DLG2: variants seen among roughly 807,000 people sequenced by gnomAD.
DLG2 encodes discs large MAGUK scaffold protein 2, also known as disks large homolog 2.
Under a neutral mutation model 132.5 loss-of-function variants are expected in DLG2, and 45 were observed. That is an observed-to-expected ratio of 0.34 (90% CI 0.27 to 0.44). The LOEUF (loss-of-function observed/expected upper bound fraction) is 0.44. Among genes scored for constraint, DLG2 ranks in the 20% least tolerant of loss-of-function variants. The pLI, the probability that DLG2 is intolerant of heterozygous loss-of-function variation, is 1.00. For synonymous variants in DLG2, 424 were observed against 419.6 expected (o/e 1.01, Z -0.13); for missense variants, 1,045 against 1,196.9 (o/e 0.87, Z 1.87).
intron 7 of DLG2, among the ~76,000 whole-genome samples, chr11:84,488,255 A>G (rs2099155855): frequency 6.6e-6 from 1 of 152,150 alleles, no homozygotes; most frequent in South Asian, 2.1e-4. Context: ...ATAGACGTGG[A>G]AAGACAATAG....
intron 18 of DLG2, among the ~76,000 whole-genome samples, chr11:83,677,034 T>A (rs1337672279): frequency 6.6e-6 from 1 of 152,094 alleles, no homozygotes; most frequent in East Asian, 1.9e-4. Context: ...TATTTTGCAT[T>A]TTTTTTGATA....
intron 15 of DLG2, among the ~76,000 whole-genome samples, chr11:83,886,424 A>G (rs2067916976): frequency 6.6e-6 from 1 of 152,242 alleles, no homozygotes; most frequent in Non-Finnish European, 1.5e-5. Flanking sequence ...TGCACCCAAT[A>G]CATGAGCACC....
rs1241549963 is a variant in DLG2 at position 85,315,540 on chromosome 11, G to T, written c.41-30175C>A. On this transcript the variant is annotated intron_variant, in intron 3 of 27. Coordinates refer to ENST00000376104, the MANE Select transcript of DLG2 (RefSeq NM_001142699.3). ...TACAACATGCTACTATGTATTTCTG[G>T]ATTGCTGTGCATGCATCACACTGAT... is the stretch of plus-strand genomic sequence containing the variant. 2.0e-5 allele frequency among the ~76,000 whole-genome samples: 3 copies of T among 151,882 alleles called. No homozygotes were observed. The East Asian group carries it at 5.8e-4, about 29-fold the overall frequency.
intron 6 of DLG2, among the ~76,000 whole-genome samples, chr11:84,679,425 G>C (rs1192992785): frequency 6.6e-6 from 1 of 151,844 alleles, no homozygotes; most frequent in African/African-American, 2.4e-5. Context: ...AAGTTTTTTA[G>C]GGTTCAAAAT....
chr11:83,479,156 G>GGGTATCTCATTACAATT lies in DLG2; in HGVS notation c.2293+4956_2293+4972dup, dbSNP rs564611416. Reference sequence around the variant, plus strand: ...ATCAATCTAACGTTTGATTGACCAAGGGTATCTCATTACAATTTTCTTCAT... The same window carrying GGGTATCTCATTACAATT: ...ATCAATCTAACGTTTGATTGACCAAGGGTATCTCATTACAATTGGTATCTCATTACAATTTTCTTCAT... On this transcript the variant is annotated intron_variant, in intron 22 of 27. Coordinates refer to ENST00000376104, the MANE Select transcript of DLG2 (RefSeq NM_001142699.3). Among the ~76,000 whole-genome samples the GGGTATCTCATTACAATT allele has an allele frequency of 4.6e-3, 707 of 152,060 alleles. 3 individuals are homozygous for GGGTATCTCATTACAATT. Among genetic ancestry groups the GGGTATCTCATTACAATT allele is most frequent in the Non-Finnish European group, 8.3e-3 (563 of 67,940 alleles).
chr11:83,533,230 T>G (rs948226077), intron 20 of DLG2, among the ~76,000 whole-genome samples: 1 of 152,160 alleles, frequency 6.6e-6, no homozygotes, highest in Non-Finnish European at 1.5e-5. Context: ...AGCTTCACTT[T>G]TTAACCAAAC....
intron 19 of DLG2, among the ~76,000 whole-genome samples, chr11:83,576,241 A>C (rs2096871906): frequency 6.6e-6 from 1 of 152,208 alleles, no homozygotes; most frequent in African/African-American, 2.4e-5. Flanking sequence ...GTGAAAAAAT[A>C]ATTCTAAAGA....
In DLG2 at chr11:85,379,071, A is replaced by C. The variant is rs559700236; in HGVS notation, c.41-93706T>G. On this transcript the variant is annotated intron_variant, in intron 3 of 27. Transcript: ENST00000376104. ...TCAATATTTGTGAGCAAATCATTGA[A>C]ATATTTCAAGTCACCAGTCATGCTT... 7.9e-5 allele frequency among the ~76,000 whole-genome samples: 12 copies of C among 152,324 alleles called. No individual in the cohort carries two copies. The East Asian group carries it at 2.1e-3, about 27-fold the overall frequency.
rs111336372 is a variant in DLG2, at chr11:85,547,055, G to A, written c.40+51602C>T. Among the ~76,000 whole-genome samples, 406 of 152,188 alleles carry A rather than the reference G, an allele frequency of 2.7e-3. 3 individuals are homozygous for A. The highest frequency in any genetic ancestry group is 9.3e-3 in the African/African-American group (385 of 41,540). On this transcript the variant is annotated intron_variant, in intron 3 of 27. Transcript: ENST00000376104. Reference sequence around the variant, plus strand: ...ATTTAATCCCTCCATTATGATGCCAGCTGGTTATTTTGCCCATTAGCTGTT... The same window carrying A: ...ATTTAATCCCTCCATTATGATGCCAACTGGTTATTTTGCCCATTAGCTGTT...
At chr11:85,004,676 C>T (rs538865416) in intron 6 of DLG2, among the ~76,000 whole-genome samples, 2 of 152,190 alleles carry the variant, frequency 1.3e-5, no homozygotes, top group South Asian at 2.1e-4. Context: ...TGCCTGTTCA[C>T]TCTGATAATA....
intron 11 of DLG2, among the ~76,000 whole-genome samples, chr11:84,041,761 T>A (rs1356134155): frequency 6.6e-6 from 1 of 151,946 alleles, no homozygotes; most frequent in Non-Finnish European, 1.5e-5. Flanking sequence ...TATGTTGATA[T>A]GGTTTGGCTA....
chr11:84,279,095 A>C (rs1247876256), intron 7 of DLG2, among the ~76,000 whole-genome samples: 1 of 152,230 alleles, frequency 6.6e-6, no homozygotes, highest in African/African-American at 2.4e-5. Context: ...TCCAGAATCT[A>C]CAAAGAACTT....
chr11:85,101,022 G>A (rs1481508818), intron 6 of DLG2, among the ~76,000 whole-genome samples: 1 of 152,082 alleles, frequency 6.6e-6, no homozygotes, highest in Non-Finnish European at 1.5e-5. Context: ...AGTTTTTTAT[G>A]TGTTGACTCA....
chr11:84,900,226 T>G (rs564526414), intron 6 of DLG2, among the ~76,000 whole-genome samples: 1 of 152,114 alleles, frequency 6.6e-6, no homozygotes, highest in African/African-American at 2.4e-5. Context: ...TTATTTTTCT[T>G]AAATCATTTT....
intron 17 of DLG2, among the ~76,000 whole-genome samples, chr11:83,811,931 T>A (rs1000964798): frequency 2.0e-5 from 3 of 152,084 alleles, no homozygotes; most frequent in Non-Finnish European, 2.9e-5. Flanking sequence ...TGGGAGTGTG[T>A]AGAAGTGTGA....
At chr11:83,689,947 A>G (rs908330040) in intron 18 of DLG2, among the ~76,000 whole-genome samples, 1 of 137,030 alleles carries the variant, frequency 7.3e-6, no homozygotes, top group African/African-American at 2.7e-5. Flanking sequence ...AATATATATT[A>G]TATATATTTA....
intron 7 of DLG2, among the ~76,000 whole-genome samples, chr11:84,489,080 C>G (rs2154495377): frequency 6.6e-6 from 1 of 152,206 alleles, no homozygotes; most frequent in Middle Eastern, 3.4e-3. Context: ...AGAGAGGACT[C>G]AAATTAGTTG....
intron 18 of DLG2, among the ~76,000 whole-genome samples, chr11:83,753,144 C>T (rs763935579): frequency 3.4e-4 from 51 of 152,128 alleles, no homozygotes; most frequent in African/African-American, 9.4e-4. Context: ...ATCTCATGGC[C>T]GGGCGTGGTG....
At chr11:84,627,094 G>A (rs747328881) in intron 6 of DLG2, among the ~76,000 whole-genome samples, 14 of 151,882 alleles carry the variant, frequency 9.2e-5, no homozygotes, top group Non-Finnish European at 1.6e-4. Flanking sequence ...TGGTCTTGAA[G>A]TCCTGACATC....
Sources: gnomAD v4.1 joint callset for allele counts (sites outside exome capture counted in the v4.1 genomes callset) on GRCh38, gnomAD v4.1.1 for gene constraint, MANE v1.5 for transcripts, NCBI Gene and HGNC (gene_info 2026-07-23, HGNC 2026-07-21) for gene names.